PRKN: variants seen among roughly 807,000 people sequenced by gnomAD.
The protein encoded by PRKN is E3 ubiquitin-protein ligase parkin.
PRKN carries 56 observed loss-of-function variants against 59.5 expected under a neutral mutation model. The ratio of observed to expected loss-of-function variants is 0.94; its 90% CI spans 0.76 to 1.18. The LOEUF (loss-of-function observed/expected upper bound fraction) is 1.18. Ranked by LOEUF, PRKN falls within the 50% of genes most tolerant of loss-of-function variation. The pLI, the probability that PRKN is intolerant of heterozygous loss-of-function variation, is 0.00. For synonymous variants in PRKN, 250 were observed against 222.1 expected, an observed-to-expected ratio of 1.13 and a Z score of -1.12; for missense variants, 657 against 596.4, an observed-to-expected ratio of 1.10 and a Z score of -1.06.
intron 7 of PRKN, among the ~76,000 whole-genome samples, chr6:161,570,163 A>G (rs112031838): frequency 1.4e-5 from 2 of 141,948 alleles, no homozygotes; most frequent in Non-Finnish European, 3.0e-5. Flanking sequence ...ATATATATAT[A>G]TATATGCACA....
rs1784571874 is a variant in PRKN at position 161,352,080 on chromosome 6, A to G, written c.1286-1869T>C. Among the ~76,000 whole-genome samples, 1 of 152,182 alleles carries G rather than the reference A, an allele frequency of 6.6e-6. No homozygotes were observed. The highest frequency in any genetic ancestry group is 1.5e-5 in the Non-Finnish European group (1 of 68,038). ...AACTGTTTCTGTCCAAATTTCCTGG[A>G]AAACCCCGGCAAACGCAGTTTCTTT... is the stretch of plus-strand genomic sequence containing the variant. On this transcript the variant is annotated intron_variant, in intron 11 of 11. Coordinates refer to ENST00000366898, the MANE Select transcript of PRKN (RefSeq NM_004562.3). This position sits in a 1 kb window ranked among gnomAD's most constrained non-coding sequence, Gnocchi z 5.8.
At chr6:162,480,190 G>A (rs544977772) in intron 1 of PRKN, among the ~76,000 whole-genome samples, 7 of 152,074 alleles carry the variant, frequency 4.6e-5, no homozygotes, top group South Asian at 2.1e-4. Flanking sequence ...AATTGGTATC[G>A]TAGTAGGCTC....
At chr6:161,638,890 T>C (rs1783631085) in intron 7 of PRKN, among the ~76,000 whole-genome samples, 3 of 151,854 alleles carry the variant, frequency 2.0e-5, no homozygotes. Flanking sequence ...TACAGGCGTG[T>C]GCCACCATAC....
chr6:161,586,014 C>T (rs556303198), intron 7 of PRKN, among the ~76,000 whole-genome samples: 5 of 152,114 alleles, frequency 3.3e-5, no homozygotes, highest in Non-Finnish European at 7.4e-5. Context: ...GTGCCTCAAT[C>T]GCTTCTTTTT....
At chr6:161,944,336 G>C (rs1161104596) in intron 6 of PRKN, among the ~76,000 whole-genome samples, 1 of 152,196 alleles carries the variant, frequency 6.6e-6, no homozygotes, top group Non-Finnish European at 1.5e-5. Flanking sequence ...AGGATACCCT[G>C]TAGTGCTCTT....
In PRKN at chr6:161,578,205, G is replaced by A. The variant is rs540879423; in HGVS notation, c.872-8789C>T. 6.6e-6 allele frequency among the ~76,000 whole-genome samples: 1 copy of A among 152,240 alleles called. No individual in the cohort carries two copies. The highest frequency in any genetic ancestry group is 1.9e-4 in the East Asian group (1 of 5,158). ...AGCCTGGAGTGTTTGAGGAATCCAA[G>A]CAGCTGCTTGGCTGCAGATGAGAAT... On this transcript the variant is annotated intron_variant, in intron 7 of 11. Coordinates refer to ENST00000366898, the MANE Select transcript of PRKN (RefSeq NM_004562.3). This position sits in a 1 kb window ranked among gnomAD's most constrained non-coding sequence, Gnocchi z 4.2.
Position 161,363,993 on chromosome 6 carries a change from A to G in PRKN, c.1168-3788T>C, listed in dbSNP as rs1785085807. ...GCTAACATGCTGAAACCCCATCTCTACTAAAAATACAAAAAATTACAAAAA... is the reference window on the plus strand; with the variant it reads ...GCTAACATGCTGAAACCCCATCTCTGCTAAAAATACAAAAAATTACAAAAA... On this transcript the variant is annotated intron_variant, in intron 10 of 11. Coordinates refer to ENST00000366898, the MANE Select transcript of PRKN (RefSeq NM_004562.3). The surrounding 1 kb of genome is among the most constrained non-coding windows in gnomAD (Gnocchi z 4.1). Among the ~76,000 whole-genome samples, 1 of 151,888 alleles carries G rather than the reference A, an allele frequency of 6.6e-6. No homozygotes were observed. Among genetic ancestry groups the G allele is most frequent in the Non-Finnish European group, 1.5e-5 (1 of 67,978 alleles).
Position 161,356,110 on chromosome 6 carries a change from C to T in PRKN, c.1285+3978G>A, listed in dbSNP as rs984882266. Among the ~76,000 whole-genome samples the T allele has an allele frequency of 1.3e-5, 2 of 152,152 alleles. No individual in the cohort carries two copies. The highest frequency in any genetic ancestry group is 2.9e-5 in the Non-Finnish European group (2 of 68,022). Reference sequence around the variant, plus strand: ...CAGTAGTCATGGGACATGAGCTCTCCGGGGAAGGGGAGGGAGCCAGAACTA... The same window carrying T: ...CAGTAGTCATGGGACATGAGCTCTCTGGGGAAGGGGAGGGAGCCAGAACTA... On this transcript the variant is annotated intron_variant, in intron 11 of 11. Coordinates refer to ENST00000366898, the MANE Select transcript of PRKN (RefSeq NM_004562.3). The surrounding 1 kb of genome is among the most constrained non-coding windows in gnomAD (Gnocchi z 7.8).
At position 161,527,279 on chromosome 6, in the gene PRKN, CAT is replaced by C. The variant is rs770425658; in HGVS notation, c.1083+21573_1083+21574del. Reference sequence around the variant, plus strand: ...GCCAAAGAAGTACATTCTGGGGTGGCATGTTCTGGTCTCCTACCATCATATTT... The same window carrying C: ...GCCAAAGAAGTACATTCTGGGGTGGCGTTCTGGTCTCCTACCATCATATTT... On this transcript the variant is annotated intron_variant, in intron 9 of 11. Coordinates refer to ENST00000366898, the MANE Select transcript of PRKN (RefSeq NM_004562.3). The surrounding 1 kb of genome is among the most constrained non-coding windows in gnomAD (Gnocchi z 4.6). Among the ~76,000 whole-genome samples, 5 of 152,196 alleles carry C rather than the reference CAT, an allele frequency of 3.3e-5. No homozygotes were observed. Among genetic ancestry groups the C allele is most frequent in the Admixed American group, 6.5e-5 (1 of 15,284 alleles).
chr6:161,431,023 C>A (rs956250527), intron 9 of PRKN, among the ~76,000 whole-genome samples: 3 of 151,208 alleles, frequency 2.0e-5, no homozygotes, highest in Non-Finnish European at 4.4e-5. Flanking sequence ...CCTGTAAGCC[C>A]AGCTACTCAG....
chr6:162,000,124 G>A (rs1781995276), intron 5 of PRKN, among the ~76,000 whole-genome samples: 1 of 152,054 alleles, frequency 6.6e-6, no homozygotes, highest in South Asian at 2.1e-4. Context: ...AGTCTTTTGT[G>A]TGGACATAAA....
intron 1 of PRKN, among the ~76,000 whole-genome samples, chr6:162,544,218 C>T (rs1779031405): frequency 6.6e-6 from 1 of 152,064 alleles, no homozygotes; most frequent in Non-Finnish European, 1.5e-5. Context: ...ATATAAGATG[C>T]TCATAAAATA....
intron 5 of PRKN, among the ~76,000 whole-genome samples, chr6:162,026,132 T>G (rs1783425395): frequency 6.7e-6 from 1 of 150,348 alleles, no homozygotes. Context: ...TTCTTAGTTC[T>G]TTCAGTGAAT....
At chr6:162,148,116 C>G (rs1397381665) in intron 4 of PRKN, among the ~76,000 whole-genome samples, 1 of 152,098 alleles carries the variant, frequency 6.6e-6, no homozygotes, top group Non-Finnish European at 1.5e-5. Flanking sequence ...GTTGACTAGC[C>G]TTGTAGATTC....
intron 9 of PRKN, among the ~76,000 whole-genome samples, chr6:161,500,864 GTTTT>G (rs373088841): frequency 1.5e-5 from 2 of 132,542 alleles, no homozygotes; most frequent in African/African-American, 2.9e-5. Flanking sequence ...GTTTAGTTTA[GTTTT>G]TTTTTTTCTT....
chr6:162,098,203 C>T (rs955450912), intron 4 of PRKN, among the ~76,000 whole-genome samples: 40 of 152,130 alleles, frequency 2.6e-4, no homozygotes, highest in South Asian at 1.0e-3. Flanking sequence ...TTAGTTTAAA[C>T]GAGGATCATG....
chr6:162,003,833 TAC>T (rs1782151846), intron 5 of PRKN, among the ~76,000 whole-genome samples: 1 of 152,194 alleles, frequency 6.6e-6, no homozygotes, highest in Non-Finnish European at 1.5e-5. Flanking sequence ...TGATTGGTAA[TAC>T]AGTTTAAATC....
intron 7 of PRKN, among the ~76,000 whole-genome samples, chr6:161,586,942 T>C (rs1311319744): frequency 6.6e-6 from 1 of 152,196 alleles, no homozygotes; most frequent in African/African-American, 2.4e-5. Flanking sequence ...ATAATGAGAC[T>C]GCTCTCTCCT....
chr6:161,758,940 A>C (rs933077014), intron 7 of PRKN, among the ~76,000 whole-genome samples: 3 of 152,146 alleles, frequency 2.0e-5, no homozygotes, highest in African/African-American at 7.2e-5. Flanking sequence ...GCACTTTGGG[A>C]GGCCGAGGCA....
Sources: allele counts gnomAD v4.1 joint callset (sites outside exome capture counted in the v4.1 genomes callset), GRCh38; gene constraint gnomAD v4.1.1; non-coding constraint Gnocchi (gnomAD v3.1); transcripts MANE v1.5; gene names NCBI Gene and HGNC (gene_info 2026-07-23, HGNC 2026-07-21).